The following ARMC2 variants were observed in gnomAD, a reference collection of about 807,000 sequenced individuals.
ARMC2 encodes the protein armadillo repeat-containing protein 2.
A neutral mutation model predicts 90.3 loss-of-function variants in ARMC2; 67 were observed. That is an observed-to-expected ratio of 0.74 (90% CI 0.61 to 0.91). The LOEUF (loss-of-function observed/expected upper bound fraction) is 0.91, where lower values mean the gene tolerates loss of function less well. Among genes scored for constraint, ARMC2 ranks in the 40% least tolerant of loss-of-function variants. ARMC2 has a pLI of 0.00. For synonymous variants in ARMC2, 393 were observed against 393.0 expected (o/e 1.00, Z 0.00); for missense variants, 920 against 1,030.9 (o/e 0.89, Z 1.47).
intron 5 of ARMC2, among the ~76,000 whole-genome samples, chr6:108,886,011 A>G (rs1053357111): frequency 2.0e-5 from 3 of 152,220 alleles, no homozygotes; most frequent in Non-Finnish European, 4.4e-5. Flanking sequence ...AAAGCCTAAA[A>G]CATTTACTAC....
At chr6:108,953,462 T>C in intron 13 of ARMC2, 111 bp downstream of exon 13, 2 of 1,102,756 alleles carry the variant, frequency 1.8e-6, no homozygotes, top group South Asian at 3.3e-5. Context: ...AGTGGCTCCC[T>C]ATGAGAAAGT....
At chr6:109,008,905 A>G in the ARMC2 span, 1 of 987,036 alleles carries the variant, frequency 1.0e-6, no homozygotes, top group Non-Finnish European at 1.2e-6. Context: ...TCTTTTAAGT[A>G]GGAGGCAAAG....
At chr6:108,995,846 C>T in the ARMC2 span, among the ~76,000 whole-genome samples, 3 of 152,114 alleles carry the variant, frequency 2.0e-5, no homozygotes, top group African/African-American at 7.2e-5. Context: ...TAATGTTTCC[C>T]CCCTTATAAA....
At chr6:108,902,192 G>A (rs1242109360) in intron 7 of ARMC2, among the ~76,000 whole-genome samples, 1 of 152,188 alleles carries the variant, frequency 6.6e-6, no homozygotes, top group African/African-American at 2.4e-5. Flanking sequence ...ACTAGATTTA[G>A]CCCCTTGCAA....
chr6:108,890,896 C>A (rs1770949930), intron 5 of ARMC2, among the ~76,000 whole-genome samples: 1 of 151,940 alleles, frequency 6.6e-6, no homozygotes, highest in African/African-American at 2.4e-5. Flanking sequence ...CTAATGCTAT[C>A]CCTCCCCTAG....
intron 1 of ARMC2, among the ~76,000 whole-genome samples, chr6:108,850,631 G>T (rs1339182612): frequency 6.6e-6 from 1 of 152,200 alleles, no homozygotes. Context: ...AATCAGATTT[G>T]AAATAAGGTC....
Position 108,904,323 on chromosome 6 carries a change from G to T in ARMC2, c.941G>T (p.Ser314Ile). The T allele has an allele frequency of 6.2e-7, 1 of 1,613,896 alleles. No homozygotes were observed. Among genetic ancestry groups the T allele is most frequent in the Non-Finnish European group, 8.5e-7 (1 of 1,179,842 alleles). The change falls in exon 8 of 18, where the codon AGT (serine) becomes ATT (isoleucine). Residue 314 changes from serine (S) to isoleucine (I), a missense_variant. Ser to Ile is a moderately radical substitution (Grantham distance 142). Transcript: ENST00000392644. ...NMLGNKFKGR[S>I]ILLKTLCKLV... is the part of the protein sequence containing the mutation. ...CTTGGAAATAAATTTAAGGGAAGAAGTATTCTCCTGAAGACCCTGTGTAAA... is the reference window on the plus strand; with the variant it reads ...CTTGGAAATAAATTTAAGGGAAGAATTATTCTCCTGAAGACCCTGTGTAAA...
At chr6:108,862,681 G>A (rs1203440504) in intron 3 of ARMC2, among the ~76,000 whole-genome samples, 2 of 152,134 alleles carry the variant, frequency 1.3e-5, no homozygotes, top group African/African-American at 4.8e-5. Context: ...GAGAGAAGGA[G>A]ATAACTGGAG....
chr6:109,044,311 C>CCAAAAAAAAAAAAAAAAAAAAAAAAA, the ARMC2 span, among the ~76,000 whole-genome samples: 1 of 28,472 alleles, frequency 3.5e-5, no homozygotes, highest in African/African-American at 2.0e-4. Flanking sequence ...GAACTTGCCT[C>CCAAAAAAAAAAAAAAAAAAAAAAAAA]AAAAAAAAAA....
the ARMC2 span, among the ~76,000 whole-genome samples, chr6:109,046,523 A>G: frequency 6.8e-6 from 1 of 146,688 alleles, no homozygotes; most frequent in East Asian, 2.0e-4. Flanking sequence ...GGAAGTGAGG[A>G]GTGTCTCTGC....
At chr6:109,040,620 T>G in the ARMC2 span, among the ~76,000 whole-genome samples, 1 of 151,972 alleles carries the variant, frequency 6.6e-6, no homozygotes, top group Admixed American at 6.6e-5. Context: ...TGAAAACAAA[T>G]GAACTGTTAA....
intron 5 of ARMC2, among the ~76,000 whole-genome samples, chr6:108,883,670 A>T (rs72933326): frequency 0.054 from 8,172 of 152,304 alleles, 317 homozygotes; most frequent in Middle Eastern, 0.085. Context: ...TCTTTTAGAA[A>T]CTATTCTCTC....
chr6:108,929,914 C>A (rs1231457635), intron 11 of ARMC2, among the ~76,000 whole-genome samples: 2 of 152,106 alleles, frequency 1.3e-5, no homozygotes, highest in Non-Finnish European at 2.9e-5. Flanking sequence ...CTGAGATCAG[C>A]CTGGGCAACA....
intron 17 of ARMC2, among the ~76,000 whole-genome samples, chr6:108,970,210 A>G (rs905377746): frequency 6.6e-5 from 10 of 152,152 alleles, no homozygotes; most frequent in African/African-American, 2.4e-4. Flanking sequence ...CTGTTTGGCT[A>G]TTCTTGTTAT....
intron 2 of ARMC2, among the ~76,000 whole-genome samples, 163 bp from the exon 3 acceptor site, chr6:108,858,036 G>A (rs1233283157): frequency 6.6e-6 from 1 of 152,130 alleles, no homozygotes; most frequent in Non-Finnish European, 1.5e-5. Flanking sequence ...CAAAAGACTT[G>A]TTAATCAACT....
chr6:108,941,702 C>T (rs1776454737), intron 12 of ARMC2, among the ~76,000 whole-genome samples: 1 of 152,152 alleles, frequency 6.6e-6, no homozygotes, highest in African/African-American at 2.4e-5. Context: ...CTTGTAAATT[C>T]CCGGTTCTTC....
the ARMC2 span, among the ~76,000 whole-genome samples, chr6:109,046,808 G>A: frequency 1.3e-4 from 18 of 137,990 alleles, 1 homozygote; most frequent in African/African-American, 2.7e-4. Context: ...GTCTCTGCCC[G>A]GCCGCCCTGT....
At chr6:108,930,433 G>A (rs1350741877) in intron 11 of ARMC2, among the ~76,000 whole-genome samples, 1 of 151,468 alleles carries the variant, frequency 6.6e-6, no homozygotes, top group Admixed American at 6.6e-5. Context: ...TGTGAGTGTT[G>A]AGCCTGTTGT....
chr6:108,994,140 TAAAA>T, the ARMC2 span, among the ~76,000 whole-genome samples: 3 of 100,264 alleles, frequency 3.0e-5, no homozygotes, highest in South Asian at 3.3e-4. Context: ...CCCTGTTTCT[TAAAA>T]AAAAAAAAAA....
Sources: gnomAD v4.1 joint callset for allele counts (sites outside exome capture counted in the v4.1 genomes callset) on GRCh38, gnomAD v4.1.1 for gene constraint, MANE v1.5 for transcripts, NCBI Gene and HGNC (gene_info 2026-07-23, HGNC 2026-07-21) for gene names.